The following NDUFA5 variants were observed in gnomAD, a reference collection of about 807,000 sequenced individuals.
NDUFA5 encodes NADH:ubiquinone oxidoreductase subunit A5, also known as NADH dehydrogenase [ubiquinone] 1 alpha subcomplex subunit 5.
NDUFA5 carries 11 observed loss-of-function variants against 19.8 expected under a neutral mutation model. The ratio of observed to expected loss-of-function variants is 0.56; its 90% CI spans 0.35 to 0.92. The LOEUF (loss-of-function observed/expected upper bound fraction) is 0.92, where lower values mean the gene tolerates loss of function less well. Among genes scored for constraint, NDUFA5 ranks in the 40% least tolerant of loss-of-function variants. The pLI is 0.01. For missense variants in NDUFA5, 109 were observed against 134.2 expected (o/e 0.81, Z 0.93); for synonymous variants, 47 against 46.8 (o/e 1.00, Z -0.01).
chr7:123,576,791 G>C, the NDUFA5 span, among the ~76,000 whole-genome samples: 1 of 152,270 alleles, frequency 6.6e-6, no homozygotes, highest in Middle Eastern at 3.4e-3. Context: ...TCTAAGATCT[G>C]CTGCCACTAG....
At chr7:123,551,063 T>C (rs1266422017) in intron 2 of NDUFA5, among the ~76,000 whole-genome samples, 2 of 151,996 alleles carry the variant, frequency 1.3e-5, no homozygotes, top group African/African-American at 4.8e-5. Context: ...GTAGCTAGGA[T>C]TACAGGTGGC....
At chr7:123,582,443 C>A in the NDUFA5 span, among the ~76,000 whole-genome samples, 1 of 151,868 alleles carries the variant, frequency 6.6e-6, no homozygotes, top group Non-Finnish European at 1.5e-5. Flanking sequence ...AAAATAAAGC[C>A]CCAAATTCTT....
the NDUFA5 span, among the ~76,000 whole-genome samples, chr7:123,563,564 T>C: frequency 6.6e-6 from 1 of 152,182 alleles, no homozygotes; most frequent in Non-Finnish European, 1.5e-5. Flanking sequence ...TTTGAAATAT[T>C]TCAAGAGTTA....
At chr7:123,551,557 A>C in intron 2 of NDUFA5, 1 of 925,578 alleles carries the variant, frequency 1.1e-6, no homozygotes, top group Non-Finnish European at 1.3e-6. Flanking sequence ...TTTTTTTTTT[A>C]ATTTTTCTTA....
intron 2 of NDUFA5, chr7:123,556,652 A>G: frequency 2.8e-6 from 1 of 352,026 alleles, no homozygotes; most frequent in Non-Finnish European, 5.5e-6. Flanking sequence ...GGTGAGAAAC[A>G]TAAGCTGACC....
At chr7:123,566,481 A>G in the NDUFA5 span, among the ~76,000 whole-genome samples, 1 of 152,206 alleles carries the variant, frequency 6.6e-6, no homozygotes, top group African/African-American at 2.4e-5. Flanking sequence ...CTTCCTTAGG[A>G]TAGCTGCCCC....
At chr7:123,596,453 A>C in the NDUFA5 span, 11 of 149,512 alleles carry the variant, frequency 7.4e-5, no homozygotes, top group African/African-American at 2.5e-4. Flanking sequence ...AAAAGAAATA[A>C]AAAAAAAAAT....
intron 2 of NDUFA5, 165 bp downstream of exon 2, chr7:123,557,239 T>G (rs751120587): frequency 1.1e-6 from 1 of 932,632 alleles, no homozygotes; most frequent in African/African-American, 1.6e-5. Flanking sequence ...AAATGTGACA[T>G]CGGATCAACG....
intron 4 of NDUFA5, 64 bp downstream of exon 4, chr7:123,545,547 T>C: frequency 7.7e-7 from 1 of 1,301,874 alleles, no homozygotes; most frequent in Non-Finnish European, 1.1e-6. Flanking sequence ...TTTCCTTTCA[T>C]TCTAGAACGT....
At chr7:123,546,731 A>G in intron 3 of NDUFA5, 1 of 1,271,754 alleles carries the variant, frequency 7.9e-7, no homozygotes, top group Non-Finnish European at 1.0e-6. Flanking sequence ...GGGTATCTGC[A>G]TCACTTGTTT....
At chr7:123,546,889 A>C (rs1178272046) in intron 3 of NDUFA5, 2 of 429,734 alleles carry the variant, frequency 4.7e-6, no homozygotes, top group Non-Finnish European at 9.2e-6. Context: ...TACAGCAAAG[A>C]CTTCACATAT....
chr7:123,595,751 A>C, the NDUFA5 span, among the ~76,000 whole-genome samples: 1 of 152,144 alleles, frequency 6.6e-6, no homozygotes, highest in Non-Finnish European at 1.5e-5. Context: ...TGACTTTGTA[A>C]ATGCTCTTTA....
the NDUFA5 span, among the ~76,000 whole-genome samples, chr7:123,595,314 C>T: frequency 6.6e-6 from 1 of 152,196 alleles, no homozygotes; most frequent in East Asian, 1.9e-4. Flanking sequence ...CATTTGTTCT[C>T]TGGTTGATCC....
chr7:123,553,065 C>T (rs762670731), intron 2 of NDUFA5, among the ~76,000 whole-genome samples: 1 of 152,088 alleles, frequency 6.6e-6, no homozygotes, highest in East Asian at 1.9e-4. Context: ...AGTCGCTACC[C>T]GCGAAAAAAT....
At chr7:123,567,378 G>A in the NDUFA5 span, among the ~76,000 whole-genome samples, 2 of 152,206 alleles carry the variant, frequency 1.3e-5, no homozygotes, top group African/African-American at 4.8e-5. Flanking sequence ...TAGTAGGCCA[G>A]ATCCAGGTGA....
chr7:123,596,928 T>A, the NDUFA5 span, among the ~76,000 whole-genome samples: 2 of 152,198 alleles, frequency 1.3e-5, no homozygotes, highest in Non-Finnish European at 2.9e-5. Flanking sequence ...TGATTATAAT[T>A]AGGCTTGGTT....
intron 4 of NDUFA5, among the ~76,000 whole-genome samples, chr7:123,545,227 C>T (rs1432482647): frequency 6.6e-6 from 1 of 151,998 alleles, no homozygotes; most frequent in Non-Finnish European, 1.5e-5. Context: ...AATAAAAGTA[C>T]ATTTTAATTT....
chr7:123,586,227 A>T, the NDUFA5 span, among the ~76,000 whole-genome samples: 3 of 151,836 alleles, frequency 2.0e-5, no homozygotes, highest in African/African-American at 7.2e-5. Flanking sequence ...TCTCCACTTC[A>T]TCATCAACAC....
the NDUFA5 span, among the ~76,000 whole-genome samples, chr7:123,580,861 A>G: frequency 6.6e-6 from 1 of 152,022 alleles, no homozygotes; most frequent in Non-Finnish European, 1.5e-5. Context: ...CAAACCACTA[A>G]AAAAACGCAG....
Sources: gnomAD v4.1 joint callset for allele counts (sites outside exome capture counted in the v4.1 genomes callset) on GRCh38, gnomAD v4.1.1 for gene constraint, MANE v1.5 for transcripts, NCBI Gene and HGNC (gene_info 2026-07-23, HGNC 2026-07-21) for gene names.